The following UBE2T variants were observed in gnomAD, a reference collection of about 807,000 sequenced individuals.
UBE2T encodes the protein ubiquitin-conjugating enzyme E2 T.
UBE2T carries 15 observed loss-of-function variants against 23.3 expected under a neutral mutation model. The observed-to-expected ratio is 0.64, with a 90% CI of 0.43 to 0.99. UBE2T has a LOEUF of 0.99. Among genes scored for constraint, UBE2T ranks in the 50% least tolerant of loss-of-function variants. The pLI, the probability that UBE2T is intolerant of heterozygous loss-of-function variation, is 0.00. For synonymous variants in UBE2T, 67 were observed against 78.4 expected, an observed-to-expected ratio of 0.85 and a Z score of 0.77; for missense variants, 197 against 234.9, an observed-to-expected ratio of 0.84 and a Z score of 1.05.
chr1:202,341,577 C>CAAAA (rs57598991), intron 1 of UBE2T, among the ~76,000 whole-genome samples: 317 of 20,298 alleles, frequency 0.016, 65 homozygotes, highest in East Asian at 0.042. Context: ...GACTCCGTCT[C>CAAAA]AAAAAAAAAA....
At chr1:202,339,077 CT>C (rs35528865) in intron 1 of UBE2T, among the ~76,000 whole-genome samples, 3,471 of 107,824 alleles carry the variant, frequency 0.032, 92 homozygotes, top group African/African-American at 0.088. Context: ...GTATTGCCTC[CT>C]TTTTTTTTTT....
Position 202,333,342 on chromosome 1 carries a change from A to G in UBE2T, c.286-7T>C, listed in dbSNP as rs1490060872. 1.2e-6 allele frequency: 2 copies of G among 1,614,046 alleles called. No homozygotes were observed. Among genetic ancestry groups the G allele is most frequent in the African/African-American group, 1.3e-5 (1 of 74,928 alleles). On this transcript the variant is annotated splice_polypyrimidine_tract_variant and splice_region_variant and intron_variant, in intron 4 of 6. Coordinates refer to ENST00000646651, the MANE Select transcript of UBE2T (RefSeq NM_014176.4). The stretch of plus-strand genomic sequence containing the variant: ...GGGATGGTCTCCAAGCACCCTATAT[A>G]CAAACAGATGAACAGTTGCTTTTAT...
Position 202,335,146 on chromosome 1 carries a change from A to G in UBE2T, c.110-88T>C. 2.8e-6 allele frequency: 3 copies of G among 1,071,218 alleles called. No individual in the cohort carries two copies. Among genetic ancestry groups the G allele is most frequent in the Non-Finnish European group, 4.1e-6 (3 of 733,084 alleles). 66.4% of individuals were successfully genotyped at this position (1,071,218 alleles called of 1,614,324 possible). A position where few individuals can be genotyped will look rare whatever the true frequency, so the allele number is the denominator to read the frequency against. On this transcript the variant is annotated intron_variant, in intron 2 of 6. Transcript: ENST00000646651. This position sits in a 1 kb window ranked among gnomAD's most constrained non-coding sequence, Gnocchi z 4.0. ...GGAGCTAATGAGGTCTATGGTCCTA[A>G]TAGAGAAACTAGGCCTAGGACAATA...
chr1:202,331,796 C>T lies in UBE2T; in HGVS notation c.*39G>A. The T allele has an allele frequency of 6.2e-7, 1 of 1,610,460 alleles. No homozygotes were observed. Among genetic ancestry groups the T allele is most frequent in the Non-Finnish European group, 8.5e-7 (1 of 1,178,182 alleles). On this transcript the variant is annotated 3_prime_UTR_variant, in exon 7 of 7. Coordinates refer to ENST00000646651, the MANE Select transcript of UBE2T (RefSeq NM_014176.4). ...AGGTAGGCAACTTAGATCACCTTGGCAAAGAACACATTAACTAAGATGAAC... is the reference window on the plus strand; with the variant it reads ...AGGTAGGCAACTTAGATCACCTTGGTAAAGAACACATTAACTAAGATGAAC...
Position 202,335,681 on chromosome 1 carries a change from C to T in UBE2T, c.74G>A (p.Trp25Ter), listed in dbSNP as rs1346443763. ...ATEPPPGITC[W>*]QDKDQMDDLR... is the part of the protein sequence containing the mutation. ...GTCATCCATTTGGTCTTTATCTTGC[C>T]AACATGTGATGCCTGGGGGTGGCTC... The change falls in exon 2 of 7, where the codon TGG (tryptophan) becomes TAG (stop). Residue 25 changes from tryptophan (W) to a stop codon, truncating the protein, a stop_gained. Coordinates refer to ENST00000646651, the MANE Select transcript of UBE2T (RefSeq NM_014176.4). LOFTEE classifies it high-confidence loss of function. The surrounding 1 kb of genome is among the most constrained non-coding windows in gnomAD (Gnocchi z 4.0). 3 of 1,613,902 alleles carry T rather than the reference C, an allele frequency of 1.9e-6. No individual in the cohort carries two copies. Among genetic ancestry groups the T allele is most frequent in the Non-Finnish European group, 2.5e-6 (3 of 1,180,030 alleles).
In UBE2T at chr1:202,331,976, G is replaced by C. The variant is rs943297543; in HGVS notation, c.469-16C>G. The C allele has an allele frequency of 6.2e-7, 1 of 1,612,988 alleles. No individual in the cohort carries two copies. Among genetic ancestry groups the C allele is most frequent in the African/African-American group, 1.3e-5 (1 of 74,846 alleles). ...CCTCATCAGCCTAAAGAGGAGACAG[G>C]GTGAAACACAGTAAGGTTCACACAA... On this transcript the variant is annotated splice_polypyrimidine_tract_variant and intron_variant, in intron 6 of 6. Transcript: ENST00000646651.
intron 1 of UBE2T, among the ~76,000 whole-genome samples, chr1:202,338,281 G>A (rs705733): frequency 0.47 from 71,039 of 151,712 alleles, 17,065 homozygotes; most frequent in Middle Eastern, 0.63. Context: ...GTGCAATGGT[G>A]TGCTCTTGGC....
chr1:202,338,031 T>G (rs922520162), intron 1 of UBE2T, among the ~76,000 whole-genome samples: 1 of 152,202 alleles, frequency 6.6e-6, no homozygotes, highest in African/African-American at 2.4e-5. Context: ...CTTTATGATA[T>G]TGAATCCTAA....
chr1:202,333,631 C>A, intron 3 of UBE2T, 76 bp from the exon 4 acceptor site: 2 of 1,358,244 alleles, frequency 1.5e-6, no homozygotes, highest in South Asian at 2.7e-5. Context: ...GTTTCTTGGT[C>A]ACAATAATTT....
chr1:202,338,643 A>C (rs1289266284), intron 1 of UBE2T, among the ~76,000 whole-genome samples: 1 of 152,092 alleles, frequency 6.6e-6, no homozygotes, highest in African/African-American at 2.4e-5. Context: ...AATCAAGTTT[A>C]TTTCTTCCCT....
rs1357591477 is a variant in UBE2T at position 202,331,706 on chromosome 1, C to CATAT, written c.*125_*128dup. 8.7e-7 allele frequency: 1 copy of CATAT among 1,144,830 alleles called. No individual in the cohort carries two copies. The highest frequency in any genetic ancestry group is 1.2e-6 in the Non-Finnish European group (1 of 808,056). 70.9% of individuals were successfully genotyped at this position (1,144,830 alleles called of 1,614,324 possible). A position where few individuals can be genotyped will look rare whatever the true frequency, so the allele number is the denominator to read the frequency against. On this transcript the variant is annotated 3_prime_UTR_variant, in exon 7 of 7. Coordinates refer to ENST00000646651, the MANE Select transcript of UBE2T (RefSeq NM_014176.4). ...TTCAGGTTTAAAAGATTTCAAAATA[C>CATAT]ATATGTACAAGATAAATAAACTACA...
chr1:202,333,502 T>C lies in UBE2T; in HGVS notation c.233A>G (p.Asn78Ser). 1 of 1,614,140 alleles carries C rather than the reference T, an allele frequency of 6.2e-7. No homozygotes were observed. The highest frequency in any genetic ancestry group is 1.1e-5 in the South Asian group (1 of 91,080). ...IRFLTPIYHP[N>S]IDSAGRICLD... Reference sequence around the variant, plus strand: ...ACAAATCCTTCCAGCAGAATCAATGTTTGGATGATAAATTGGAGTGAGAAA... The same window carrying C: ...ACAAATCCTTCCAGCAGAATCAATGCTTGGATGATAAATTGGAGTGAGAAA... Residue 78 changes from asparagine to serine, a missense_variant, in exon 4 of 7, where the codon AAC (asparagine) becomes AGC (serine). Asn to Ser is a conservative substitution (Grantham distance 46). Coordinates refer to ENST00000646651, the MANE Select transcript of UBE2T (RefSeq NM_014176.4).
intron 1 of UBE2T, among the ~76,000 whole-genome samples, chr1:202,336,166 C>A (rs1180249050): frequency 2.0e-5 from 3 of 148,364 alleles, no homozygotes; most frequent in African/African-American, 7.4e-5. Context: ...CCTGCCTTGG[C>A]CTCCCAAAGT....
rs1391672466 is a variant in UBE2T at position 202,335,571 on chromosome 1, T to G, written c.109+75A>C. On this transcript the variant is annotated intron_variant, in intron 2 of 6. Transcript: ENST00000646651. This position sits in a 1 kb window ranked among gnomAD's most constrained non-coding sequence, Gnocchi z 4.0. ...ATAACTGCTCCTTACTTTAGAAGAA[T>G]ACACAAAATGTTTTATTTCAGCACA... 1 of 1,437,660 alleles carries G rather than the reference T, an allele frequency of 7.0e-7. No homozygotes were observed. The highest frequency in any genetic ancestry group is 1.7e-5 in the Admixed American group (1 of 58,730). 89.1% of individuals were successfully genotyped at this position (1,437,660 alleles called of 1,614,324 possible).
In UBE2T at chr1:202,335,247, A is replaced by C. The variant is rs1021063906; in HGVS notation, c.110-189T>G. Reference sequence around the variant, plus strand: ...ATGTACTCAAAAAGTTAATGGTGTCAAACAAAGGACATATAGAAAATCTAA... The same window carrying C: ...ATGTACTCAAAAAGTTAATGGTGTCCAACAAAGGACATATAGAAAATCTAA... On this transcript the variant is annotated intron_variant, in intron 2 of 6. Transcript: ENST00000646651. This position sits in a 1 kb window ranked among gnomAD's most constrained non-coding sequence, Gnocchi z 4.0. The C allele has an allele frequency of 1.0e-5, 6 of 584,590 alleles. No individual in the cohort carries two copies. Among genetic ancestry groups the C allele is most frequent in the Non-Finnish European group, 1.8e-5 (6 of 332,234 alleles). The allele number at this position is 584,590 out of a possible 1,614,324, so 36.2% of individuals were successfully genotyped here. A position where few individuals can be genotyped will look rare whatever the true frequency, so the allele number is the denominator to read the frequency against.
At chr1:202,339,866 C>A (rs1309560758) in intron 1 of UBE2T, among the ~76,000 whole-genome samples, 1 of 151,962 alleles carries the variant, frequency 6.6e-6, no homozygotes, top group Non-Finnish European at 1.5e-5. Flanking sequence ...AAAGGAGAAC[C>A]CCATCTCTAA....
rs1654759757 is a variant in UBE2T at position 202,331,891 on chromosome 1, T to C, written c.538A>G (p.Lys180Glu). 1 of 1,614,026 alleles carries C rather than the reference T, an allele frequency of 6.2e-7. No individual in the cohort carries two copies. The highest frequency in any genetic ancestry group is 1.7e-5 in the Admixed American group (1 of 60,010). The part of the protein sequence containing the change: ...GDSRVHNSTQ[K>E]RKASQLVGIE... ...CCTACTAGCTGACTGGCCTTCCTTT[T>C]CTGTGTTGAGTTGTGTACTCTGGAG... The change falls in exon 7 of 7, where the codon AAA becomes GAA. Residue 180 changes from lysine to glutamate, a missense_variant. Coordinates refer to ENST00000646651, the MANE Select transcript of UBE2T (RefSeq NM_014176.4).
At chr1:202,333,175 G>T in intron 5 of UBE2T, 62 bp downstream of exon 5, 2 of 1,605,150 alleles carry the variant, frequency 1.2e-6, no homozygotes, top group African/African-American at 1.3e-5. Context: ...TCCTCACACA[G>T]GGAGAGTTAG....
rs546391428 is a variant in UBE2T at position 202,333,042 on chromosome 1, A to G, written c.436T>C (p.Trp146Arg). 1.9e-6 allele frequency: 3 copies of G among 1,612,514 alleles called. No individual in the cohort carries two copies. The highest frequency in any genetic ancestry group is 2.7e-5 in the African/African-American group (2 of 74,596). Residue 146 changes from tryptophan to arginine, a missense_variant, in exon 6 of 7, where the codon TGG (tryptophan) becomes CGG (arginine). Trp to Arg is a moderately radical substitution (Grantham distance 101, BLOSUM62 -3). Transcript: ENST00000646651. ...TTCTGTCTTGCATGCTTCTCTGTCCACTGTCTGGCATTCTTGAGGAAGGCT... is the reference window on the plus strand; with the variant it reads ...TTCTGTCTTGCATGCTTCTCTGTCCGCTGTCTGGCATTCTTGAGGAAGGCT... ...KPAFLKNARQ[W>R]TEKHARQKQK... is the part of the protein sequence containing the mutation.
Sources: gnomAD v4.1 joint callset for allele counts (sites outside exome capture counted in the v4.1 genomes callset) on GRCh38, gnomAD v4.1.1 for gene constraint, Gnocchi (gnomAD v3.1) non-coding constraint, MANE v1.5 for transcripts, NCBI Gene and HGNC (gene_info 2026-07-23, HGNC 2026-07-21) for gene names.